The following PEPD variants were observed in gnomAD, a reference collection of about 807,000 sequenced individuals.
PEPD encodes the protein peptidase D, also known as xaa-Pro dipeptidase.
A neutral mutation model predicts 60.7 loss-of-function variants in PEPD; 53 were observed. That is an observed-to-expected ratio of 0.87 (90% CI 0.70 to 1.10). The LOEUF (loss-of-function observed/expected upper bound fraction) is 1.10, where lower values mean the gene tolerates loss of function less well. Ranked by LOEUF, PEPD falls within the 50% of genes least tolerant of loss-of-function variation. The probability of loss-of-function intolerance (pLI) is 0.00; values close to 1 mark genes in which losing one functional copy is unlikely to be tolerated. For synonymous variants in PEPD, 267 were observed against 284.1 expected (o/e 0.94, Z 0.60); for missense variants, 711 against 711.9 (o/e 1.00, Z 0.01).
intron 11 of PEPD, among the ~76,000 whole-genome samples, chr19:33,408,159 G>A (rs731839): frequency 0.63 from 95,472 of 152,222 alleles, 30,302 homozygotes; most frequent in Non-Finnish European, 0.66. Flanking sequence ...CTTGATGTAC[G>A]CATCATGGAG....
intron 9 of PEPD, among the ~76,000 whole-genome samples, chr19:33,453,333 T>C (rs1969733593): frequency 6.6e-6 from 1 of 151,724 alleles, no homozygotes; most frequent in Non-Finnish European, 1.5e-5. Context: ...AATAAATAAA[T>C]AAATAAATAA....
chr19:33,445,229 G>A (rs996336548), intron 9 of PEPD, among the ~76,000 whole-genome samples: 1 of 152,142 alleles, frequency 6.6e-6, no homozygotes, highest in Non-Finnish European at 1.5e-5. Context: ...ATGTCCACTG[G>A]GCTGCCTGCT....
At chr19:33,517,630 G>A (rs1180520097) in intron 1 of PEPD, among the ~76,000 whole-genome samples, 1 of 152,048 alleles carries the variant, frequency 6.6e-6, no homozygotes, top group African/African-American at 2.4e-5. Flanking sequence ...ACTGATGCCC[G>A]TGGGGTCTAC....
At chr19:33,446,137 A>C (rs1969590213) in intron 9 of PEPD, among the ~76,000 whole-genome samples, 1 of 152,000 alleles carries the variant, frequency 6.6e-6, no homozygotes, top group African/African-American at 2.4e-5. Context: ...GAATTCCCCG[A>C]GTTCTTCCTG....
At chr19:33,391,670 C>T (rs1238660619) in intron 12 of PEPD, among the ~76,000 whole-genome samples, 191 bp from the exon 13 acceptor site, 4 of 152,164 alleles carry the variant, frequency 2.6e-5, no homozygotes, top group African/African-American at 4.8e-5. Context: ...GCTGGGCTTT[C>T]CCAGCAAAAG....
chr19:33,392,775 A>G (rs1337802669), intron 12 of PEPD, among the ~76,000 whole-genome samples: 1 of 152,142 alleles, frequency 6.6e-6, no homozygotes, highest in East Asian at 1.9e-4. Flanking sequence ...CTGGGCTGTG[A>G]GAAGCAGGGT....
chr19:33,513,669 C>A (rs942657524), intron 1 of PEPD, among the ~76,000 whole-genome samples: 3 of 152,188 alleles, frequency 2.0e-5, no homozygotes. Flanking sequence ...ACACTCCCTG[C>A]CCAACCCCGT....
rs372554166 is a variant in PEPD at position 33,509,995 on chromosome 19, C to T, written c.329+1033G>A. ...GCAAATAACACACCCAGCATATCAG[C>T]GATGGGCCTCAGAGAGGCGGTTCCC... On this transcript the variant is annotated intron_variant, in intron 3 of 14. Coordinates refer to ENST00000244137, the MANE Select transcript of PEPD (RefSeq NM_000285.4). Among the ~76,000 whole-genome samples, 66 of 152,218 alleles carry T rather than the reference C, an allele frequency of 4.3e-4. 1 individual carries two copies. Among genetic ancestry groups the T allele is most frequent in the African/African-American group, 1.4e-3 (60 of 41,456 alleles).
intron 1 of PEPD, among the ~76,000 whole-genome samples, chr19:33,513,128 ACTCT>A (rs1391424355): frequency 6.6e-6 from 1 of 151,446 alleles, no homozygotes; most frequent in Non-Finnish European, 1.5e-5. Flanking sequence ...CCTGGGGGCC[ACTCT>A]CTCTGCGGAA....
rs67443412 is a variant in PEPD, at chr19:33,474,981, TA to T, written c.548+3064del. 7.1e-3 allele frequency among the ~76,000 whole-genome samples: 978 copies of T among 138,314 alleles called. 1 individual carries two copies. Among genetic ancestry groups the T allele is most frequent in the Middle Eastern group, 0.014 (4 of 278 alleles). 90.7% of individuals were successfully genotyped at this position (138,314 alleles called of 152,430 possible). On this transcript the variant is annotated intron_variant, in intron 7 of 14. Transcript: ENST00000244137. ...AGAGACAAAGTGAGATCCTGTCTCT[TA>T]AAAAAAAAAAAAAAAAGACATGCCA...
intron 7 of PEPD, 28 bp from the exon 8 acceptor site, chr19:33,464,090 A>C (rs1156445247): frequency 1.3e-6 from 2 of 1,562,586 alleles, no homozygotes; most frequent in Non-Finnish European, 1.8e-6. Flanking sequence ...CAAAGCAGCA[A>C]ATCAGTGACT....
chr19:33,494,280 G>A (rs768656873), intron 4 of PEPD, among the ~76,000 whole-genome samples: 3 of 152,152 alleles, frequency 2.0e-5, no homozygotes, highest in African/African-American at 4.8e-5. Flanking sequence ...CTTTACACCC[G>A]AAACGCAGGG....
intron 9 of PEPD, among the ~76,000 whole-genome samples, chr19:33,461,408 T>A (rs895411839): frequency 6.6e-6 from 1 of 151,964 alleles, no homozygotes; most frequent in Non-Finnish European, 1.5e-5. Flanking sequence ...TGCAGCCCTG[T>A]CCCCAGGTTG....
At chr19:33,497,374 G>C (rs1006536192) in intron 4 of PEPD, among the ~76,000 whole-genome samples, 1 of 152,254 alleles carries the variant, frequency 6.6e-6, no homozygotes, top group Admixed American at 6.5e-5. Context: ...CTCTCAGCCG[G>C]TGATCCCGCC....
At chr19:33,435,453 CGG>C (rs1237944381) in intron 9 of PEPD, among the ~76,000 whole-genome samples, 1 of 152,356 alleles carries the variant, frequency 6.6e-6, no homozygotes, top group Middle Eastern at 3.4e-3. Flanking sequence ...CCGGGCCCCT[CGG>C]CAGGGACAGG....
chr19:33,510,669 G>C (rs1970907481), intron 3 of PEPD, among the ~76,000 whole-genome samples: 1 of 152,192 alleles, frequency 6.6e-6, no homozygotes, highest in South Asian at 2.1e-4. Context: ...TTGCCATGTT[G>C]GGTGGACCCA....
At chr19:33,391,651 G>GC (rs948044396) in intron 12 of PEPD, among the ~76,000 whole-genome samples, 172 bp from the exon 13 acceptor site, 7 of 152,270 alleles carry the variant, frequency 4.6e-5, no homozygotes, top group African/African-American at 1.4e-4. Flanking sequence ...GACTAGGGTG[G>GC]CCCCCCGTGC....
At chr19:33,505,822 A>C (rs930475718) in intron 3 of PEPD, among the ~76,000 whole-genome samples, 1 of 132,380 alleles carries the variant, frequency 7.6e-6, no homozygotes, top group South Asian at 2.8e-4. Context: ...CACCCTACAC[A>C]CTACACACAC....
Position 33,493,553 on chromosome 19 carries a change from T to TA in PEPD, c.394-217dup, listed in dbSNP as rs370264010. ...CACAGCCATCGAGGGGCAGAGAGGATAAACCTACACCTGGCTCGCTTCCCA... is the reference window on the plus strand; with the variant it reads ...CACAGCCATCGAGGGGCAGAGAGGATAAAACCTACACCTGGCTCGCTTCCCA... On this transcript the variant is annotated intron_variant, in intron 4 of 14. Transcript: ENST00000244137. 53 of 636,398 alleles carry TA rather than the reference T, an allele frequency of 8.3e-5. 1 individual carries two copies. The South Asian group carries it at 8.7e-4, about 11-fold the overall frequency. 39.4% of individuals were successfully genotyped at this position (636,398 alleles called of 1,614,324 possible). A position where few individuals can be genotyped will look rare whatever the true frequency, so the allele number is the denominator to read the frequency against.
Sources: allele counts gnomAD v4.1 joint callset (sites outside exome capture counted in the v4.1 genomes callset), GRCh38; gene constraint gnomAD v4.1.1; transcripts MANE v1.5; gene names NCBI Gene and HGNC (gene_info 2026-07-23, HGNC 2026-07-21).